The following COX7B2 variants were observed in gnomAD, a reference collection of about 807,000 sequenced individuals.
The protein encoded by COX7B2 is cytochrome c oxidase subunit 7B2, mitochondrial.
For synonymous variants in COX7B2, 37 were observed against 32.1 expected (o/e 1.15, Z -0.51); for missense variants, 109 against 95.9 (o/e 1.14, Z -0.57).
At chr4:46,842,579 G>T (rs924068536) in intron 2 of COX7B2, among the ~76,000 whole-genome samples, 3 of 151,612 alleles carry the variant, frequency 2.0e-5, no homozygotes, top group Admixed American at 1.3e-4. Flanking sequence ...AGTCCCCGGT[G>T]TGTGATGTTC....
intron 1 of COX7B2, among the ~76,000 whole-genome samples, chr4:46,891,315 A>G (rs1234244415): frequency 1.3e-5 from 2 of 152,210 alleles, no homozygotes; most frequent in Non-Finnish European, 2.9e-5. Context: ...TTCCATATAC[A>G]GATGGTAATT....
chr4:46,795,005 A>T (rs10030045), intron 2 of COX7B2, among the ~76,000 whole-genome samples: 3 of 142,538 alleles, frequency 2.1e-5, no homozygotes, highest in African/African-American at 3.0e-5. Flanking sequence ...TTCTTTTGAG[A>T]AGTGTCTGTT....
intron 1 of COX7B2, among the ~76,000 whole-genome samples, chr4:46,899,777 T>C (rs991066598): frequency 2.6e-5 from 4 of 152,200 alleles, no homozygotes; most frequent in African/African-American, 7.2e-5. Flanking sequence ...ACAGGCATTT[T>C]TGACATCTTA....
At chr4:46,841,051 G>A (rs572965815) in intron 2 of COX7B2, among the ~76,000 whole-genome samples, 5 of 152,106 alleles carry the variant, frequency 3.3e-5, no homozygotes, top group South Asian at 2.1e-4. Context: ...CAACATTCAA[G>A]GAGTGAGGAC....
chr4:46,879,619 T>C (rs1206132021), intron 1 of COX7B2, among the ~76,000 whole-genome samples: 2 of 152,070 alleles, frequency 1.3e-5, no homozygotes, highest in South Asian at 2.1e-4. Flanking sequence ...ATAATCTTTA[T>C]CTGTTTTATA....
chr4:46,784,794 G>A (rs746330558), intron 2 of COX7B2, among the ~76,000 whole-genome samples: 1 of 152,088 alleles, frequency 6.6e-6, no homozygotes, highest in East Asian at 1.9e-4. Flanking sequence ...AGTGTTGATT[G>A]CTTAGCTTTA....
intron 1 of COX7B2, among the ~76,000 whole-genome samples, chr4:46,851,104 T>C (rs1195836666): frequency 6.6e-6 from 1 of 152,064 alleles, no homozygotes; most frequent in Non-Finnish European, 1.5e-5. Context: ...TAGAGATCTT[T>C]TGGCCCATGA....
chr4:46,769,055 G>A (rs778736688), intron 2 of COX7B2, among the ~76,000 whole-genome samples: 3 of 151,788 alleles, frequency 2.0e-5, no homozygotes, highest in Admixed American at 1.3e-4. Flanking sequence ...TCCCAATAAA[G>A]AAAATCCTAG....
At chr4:46,799,949 G>A (rs73141205) in intron 2 of COX7B2, among the ~76,000 whole-genome samples, 5,298 of 152,110 alleles carry the variant, frequency 0.035, 235 homozygotes, top group African/African-American at 0.11. Context: ...TACATCTGGT[G>A]GAATTTGGCT....
chr4:46,859,002 A>G (rs1446207179), intron 1 of COX7B2, among the ~76,000 whole-genome samples: 1 of 152,182 alleles, frequency 6.6e-6, no homozygotes, highest in Non-Finnish European at 1.5e-5. Flanking sequence ...CAGAACCTCA[A>G]ACTAGATCTG....
At chr4:46,820,372 A>G (rs1714186863) in intron 2 of COX7B2, among the ~76,000 whole-genome samples, 3 of 152,134 alleles carry the variant, frequency 2.0e-5, no homozygotes, top group African/African-American at 7.2e-5. Flanking sequence ...GACGTGAGCA[A>G]TGGAAAGCAG....
intron 1 of COX7B2, 79 bp downstream of exon 1, chr4:46,909,081 C>T (rs1289561377): frequency 6.6e-6 from 1 of 151,974 alleles, no homozygotes; most frequent in East Asian, 1.9e-4. Flanking sequence ...TTCCTGATAA[C>T]TGTTAGAGCA....
chr4:46,805,811 A>T (rs1218320541), intron 2 of COX7B2, among the ~76,000 whole-genome samples: 1 of 152,176 alleles, frequency 6.6e-6, no homozygotes, highest in East Asian at 1.9e-4. Context: ...AATATATATA[A>T]AACAAAATAA....
At chr4:46,905,814 CTTT>C (rs761904309) in intron 1 of COX7B2, among the ~76,000 whole-genome samples, 2 of 71,686 alleles carry the variant, frequency 2.8e-5, no homozygotes, top group Non-Finnish European at 5.0e-5. Flanking sequence ...GCATATATTT[CTTT>C]TTTTTTTTTT....
intron 2 of COX7B2, among the ~76,000 whole-genome samples, chr4:46,794,854 G>C (rs1344693257): frequency 1.3e-5 from 2 of 152,136 alleles, no homozygotes; most frequent in Non-Finnish European, 2.9e-5. Flanking sequence ...ATTCTTTCTT[G>C]ATCTGCAGAA....
intron 1 of COX7B2, among the ~76,000 whole-genome samples, chr4:46,885,491 C>G (rs1719031844): frequency 1.3e-5 from 2 of 152,052 alleles, no homozygotes; most frequent in African/African-American, 4.8e-5. Flanking sequence ...TGCGCAGCAC[C>G]TTACTGATTT....
chr4:46,781,817 A>C lies in COX7B2; in HGVS notation c.-49-46576T>G, dbSNP rs989365926. Reference sequence around the variant, plus strand: ...GGCCCCAAGCAGTGAGAGGCTTAGCACCCAAGCCAGCAGCTGCAGAGGATG... The same window carrying C: ...GGCCCCAAGCAGTGAGAGGCTTAGCCCCCAAGCCAGCAGCTGCAGAGGATG... On this transcript the variant is annotated intron_variant, in intron 2 of 2. Transcript: ENST00000355591. Among the ~76,000 whole-genome samples, 4 of 152,246 alleles carry C rather than the reference A, an allele frequency of 2.6e-5. No individual in the cohort carries two copies. In the East Asian group the frequency reaches 7.7e-4, roughly 29 times the overall value.
chr4:46,869,326 T>G, intron 1 of COX7B2, among the ~76,000 whole-genome samples: 1 of 152,182 alleles, frequency 6.6e-6, no homozygotes, highest in East Asian at 1.9e-4. Context: ...TTTATCCAGC[T>G]TGTCACTCTG....
rs1187094943 is a variant in COX7B2, at chr4:46,734,880, A to G, written c.*67T>C. The G allele has an allele frequency of 6.5e-7, 1 of 1,540,590 alleles. No homozygotes were observed. Among genetic ancestry groups the G allele is most frequent in the Non-Finnish European group, 8.9e-7 (1 of 1,120,564 alleles). On this transcript the variant is annotated 3_prime_UTR_variant, in exon 3 of 3. Transcript: ENST00000355591. ...TTTTCAATTGTGCTATATTTTAATAAGCAGTAGAGTGCTTACATGACAAGT... is the reference window on the plus strand; with the variant it reads ...TTTTCAATTGTGCTATATTTTAATAGGCAGTAGAGTGCTTACATGACAAGT...
Sources: allele counts gnomAD v4.1 joint callset (sites outside exome capture counted in the v4.1 genomes callset), GRCh38; gene constraint gnomAD v4.1.1; transcripts MANE v1.5; gene names NCBI Gene and HGNC (gene_info 2026-07-23, HGNC 2026-07-21).